Variants in HTT-AS observed in about 807,000 individuals in gnomAD.
HTT-AS encodes the protein HTT antisense RNA, also known as HTT antisense RNA (head to head).
chr4:3,063,235 G>A (rs982992391), exon 2 of HTT-AS, among the ~76,000 whole-genome samples: 23 of 152,196 alleles, frequency 1.5e-4, no homozygotes, highest in East Asian at 7.7e-4. Flanking sequence ...TTTCAGTCCC[G>A]AGGGAAAGAA....
intron 1 of HTT-AS, among the ~76,000 whole-genome samples, chr4:3,071,453 C>T (rs1424280405): frequency 6.6e-6 from 1 of 152,166 alleles, no homozygotes; most frequent in Non-Finnish European, 1.5e-5. Flanking sequence ...CTCATTACTT[C>T]TGCTTGCATC....
At chr4:3,047,611 C>T (rs1711616520), downstream of HTT-AS, among the ~76,000 whole-genome samples, 1 of 152,202 alleles carries the variant, frequency 6.6e-6, no homozygotes, top group African/African-American at 2.4e-5. Context: ...CCTGGGAAGG[C>T]ACCTGTTACT....
intron 2 of HTT-AS, among the ~76,000 whole-genome samples, chr4:3,056,939 A>G (rs1482585944): frequency 6.6e-6 from 1 of 152,112 alleles, no homozygotes; most frequent in Non-Finnish European, 1.5e-5. Context: ...GCCCCTGGCA[A>G]TTACCATTCT....
chr4:3,047,741 A>C (rs1166097586), downstream of HTT-AS, among the ~76,000 whole-genome samples: 1 of 152,214 alleles, frequency 6.6e-6, no homozygotes, highest in African/African-American at 2.4e-5. Context: ...GCCCACAGCC[A>C]TCCGGAGGCC....
chr4:3,074,056 A>C (rs28441493), intron 1 of HTT-AS, among the ~76,000 whole-genome samples: 1 of 38,690 alleles, frequency 2.6e-5, no homozygotes, highest in African/African-American at 1.1e-4. Flanking sequence ...GAGCCCCTCC[A>C]TGGCCCTGCC....
chr4:3,047,492 T>C (rs947159988), downstream of HTT-AS, among the ~76,000 whole-genome samples: 1 of 152,134 alleles, frequency 6.6e-6, no homozygotes, highest in Non-Finnish European at 1.5e-5. Flanking sequence ...CATACAGAGA[T>C]AGGAGCTGAA....
chr4:3,057,484 C>T (rs1711830087), intron 2 of HTT-AS, among the ~76,000 whole-genome samples: 1 of 152,130 alleles, frequency 6.6e-6, no homozygotes, highest in Non-Finnish European at 1.5e-5. Context: ...AGAGAGGGTT[C>T]TTGGATCTTG....
intron 2 of HTT-AS, among the ~76,000 whole-genome samples, chr4:3,049,916 A>T (rs1578463615): frequency 7.8e-6 from 1 of 127,522 alleles, no homozygotes; most frequent in Non-Finnish European, 1.6e-5. Context: ...TCACACACAC[A>T]CACACACACA....
exon 2 of HTT-AS, chr4:3,063,680 T>C (rs1711987174): frequency 1.3e-5 from 2 of 152,320 alleles, no homozygotes; most frequent in Non-Finnish European, 2.9e-5. Context: ...CGCTCCGGCT[T>C]GGAGGTGAAG....
At chr4:3,067,063 A>G (rs1712069673) in intron 1 of HTT-AS, among the ~76,000 whole-genome samples, 1 of 152,260 alleles carries the variant, frequency 6.6e-6, no homozygotes, top group Non-Finnish European at 1.5e-5. Flanking sequence ...CTTTAGAGTC[A>G]GTATAAATTA....
Position 3,067,638 on chromosome 4 carries a change from G to T in HTT-AS, n.114-3938C>A, listed in dbSNP as rs79583966. Among the ~76,000 whole-genome samples the T allele has an allele frequency of 6.7e-3, 1,014 of 152,226 alleles. 13 individuals carry two copies. Among genetic ancestry groups the T allele is most frequent in the African/African-American group, 0.023 (953 of 41,538 alleles). Reference sequence around the variant, plus strand: ...TAGGGAAATTGGAAGGGAACCGAGAGCACCTAGCCAATCGCATAGCAATGG... The same window carrying T: ...TAGGGAAATTGGAAGGGAACCGAGATCACCTAGCCAATCGCATAGCAATGG... On this transcript the variant is annotated intron_variant and non_coding_transcript_variant, in intron 1 of 2. Coordinates refer to ENST00000664062, the Ensembl canonical transcript of HTT-AS.
intron 1 of HTT-AS, among the ~76,000 whole-genome samples, chr4:3,070,714 C>A (rs61792462): frequency 6.6e-6 from 1 of 152,168 alleles, no homozygotes; most frequent in Non-Finnish European, 1.5e-5. Flanking sequence ...TCATCTGGAA[C>A]AGGATTCTAA....
intron 2 of HTT-AS, among the ~76,000 whole-genome samples, chr4:3,062,010 A>G (rs547008964): frequency 0.011 from 1,642 of 146,232 alleles, 33 homozygotes; most frequent in African/African-American, 0.041. Flanking sequence ...AAAAAAAAAA[A>G]AAAGAGAGAG....
At chr4:3,047,055 T>C (rs1711600297), downstream of HTT-AS, among the ~76,000 whole-genome samples, 1 of 152,254 alleles carries the variant, frequency 6.6e-6, no homozygotes, top group Non-Finnish European at 1.5e-5. Flanking sequence ...CTTACGCCTA[T>C]AATCCCAGCA....
chr4:3,054,720 A>ATTT (rs1022446171), intron 2 of HTT-AS, among the ~76,000 whole-genome samples: 5 of 138,932 alleles, frequency 3.6e-5, no homozygotes, highest in African/African-American at 1.4e-4. Context: ...TTTTCTTTCT[A>ATTT]TTTTTTTTTT....
At chr4:3,053,925 A>G (rs931930294) in intron 2 of HTT-AS, among the ~76,000 whole-genome samples, 7 of 151,660 alleles carry the variant, frequency 4.6e-5, no homozygotes, top group Non-Finnish European at 8.8e-5. Context: ...ATGCCCAGCT[A>G]ATTTTTGTAT....
At chr4:3,058,254 A>AAGCCGAGGTTGTGGTG (rs1711847174) in intron 2 of HTT-AS, among the ~76,000 whole-genome samples, 1 of 151,974 alleles carries the variant, frequency 6.6e-6, no homozygotes, top group Non-Finnish European at 1.5e-5. Flanking sequence ...TGAACCCGGG[A>AAGCCGAGGTTGTGGTG]AGCCGAGGTT....
At chr4:3,066,385 G>C (rs1712059319) in intron 1 of HTT-AS, among the ~76,000 whole-genome samples, 1 of 152,142 alleles carries the variant, frequency 6.6e-6, no homozygotes, top group South Asian at 2.1e-4. Context: ...GGCCAGGATG[G>C]TCTCGATCTC....
intron 2 of HTT-AS, among the ~76,000 whole-genome samples, chr4:3,056,712 AC>A (rs1488852014): frequency 6.6e-6 from 1 of 152,178 alleles, no homozygotes; most frequent in Non-Finnish European, 1.5e-5. Flanking sequence ...AAACAATTTC[AC>A]CAGAAACTAG....
Sources: gnomAD v4.1 joint callset for allele counts (sites outside exome capture counted in the v4.1 genomes callset) on GRCh38, gnomAD v4.1.1 for gene constraint, MANE v1.5 for transcripts, NCBI Gene and HGNC (gene_info 2026-07-23, HGNC 2026-07-21) for gene names.